The following TRHDE variants were observed in gnomAD, a reference collection of about 807,000 sequenced individuals.
TRHDE encodes the protein thyrotropin-releasing hormone-degrading ectoenzyme.
Under a neutral mutation model 125.7 loss-of-function variants are expected in TRHDE, and 72 were observed. That is an observed-to-expected ratio of 0.57 (90% CI 0.47 to 0.70). The LOEUF (loss-of-function observed/expected upper bound fraction) is 0.70, where lower values mean the gene tolerates loss of function less well. Ranked by LOEUF, TRHDE falls within the 30% of genes least tolerant of loss-of-function variation. The pLI is 0.00. For missense variants in TRHDE, 1,110 were observed against 1,327.1 expected, an observed-to-expected ratio of 0.84 and a Z score of 2.54; for synonymous variants, 509 against 509.1, an observed-to-expected ratio of 1.00 and a Z score of 0.00.
At chr12:72,121,535 C>G (rs549472128) in intron 2 of TRHDE, among the ~76,000 whole-genome samples, 2 of 152,158 alleles carry the variant, frequency 1.3e-5, no homozygotes, top group South Asian at 4.1e-4. Flanking sequence ...AATCACTGTG[C>G]TCTCTTTCCT....
chr12:72,105,611 C>A (rs1245418072), intron 1 of TRHDE: 2 of 152,064 alleles, frequency 1.3e-5, no homozygotes, highest in African/African-American at 4.8e-5. Flanking sequence ...TTAGTCCTTA[C>A]AATAAGTCCA....
intron 12 of TRHDE, among the ~76,000 whole-genome samples, chr12:72,584,554 T>A (rs1281994036): frequency 6.6e-6 from 1 of 152,208 alleles, no homozygotes; most frequent in African/African-American, 2.4e-5. Context: ...CCAGATCTTT[T>A]TCCTCCAACA....
intron 6 of TRHDE, among the ~76,000 whole-genome samples, chr12:72,519,331 G>T (rs1182771150): frequency 6.6e-6 from 1 of 152,092 alleles, no homozygotes; most frequent in African/African-American, 2.4e-5. Flanking sequence ...TTTCTTGGCG[G>T]CTTTACTCAT....
At chr12:72,365,794 G>T (rs928719319) in intron 2 of TRHDE, among the ~76,000 whole-genome samples, 10 of 152,096 alleles carry the variant, frequency 6.6e-5, no homozygotes, top group Non-Finnish European at 1.2e-4. Context: ...CAAATTCAGT[G>T]GCTTCACACA....
intron 6 of TRHDE, among the ~76,000 whole-genome samples, chr12:72,515,544 T>G (rs1878808115): frequency 6.6e-6 from 1 of 152,220 alleles, no homozygotes; most frequent in Non-Finnish European, 1.5e-5. Flanking sequence ...ATATTAGCCC[T>G]TTGTCAGATG....
intron 2 of TRHDE, among the ~76,000 whole-genome samples, chr12:72,328,023 T>C (rs369778066): frequency 3.2e-4 from 48 of 152,278 alleles, no homozygotes; most frequent in African/African-American, 1.1e-3. Flanking sequence ...TTTTGCATAC[T>C]GACATGCAGT....
intron 3 of TRHDE, among the ~76,000 whole-genome samples, chr12:72,419,422 A>G (rs1451453323): frequency 2.6e-5 from 4 of 152,204 alleles, no homozygotes; most frequent in East Asian, 1.9e-4. Flanking sequence ...CTGTACAAGT[A>G]TGGCACCAGC....
chr12:72,240,743 T>C lies in TRHDE; in HGVS notation n.279+134991T>C, dbSNP rs370326326. On this transcript the variant is annotated intron_variant and non_coding_transcript_variant, in intron 2 of 4. Transcript: ENST00000548156. ...CACCACCATGCCCGGCTAATTTCTT[T>C]TTGTATTTTTAATAGATACTGGGTT... Among the ~76,000 whole-genome samples, 63 of 152,096 alleles carry C rather than the reference T, an allele frequency of 4.1e-4. No individual in the cohort carries two copies. The South Asian group carries it at 0.013, about 31-fold the overall frequency.
At chr12:72,465,715 G>A (rs1423601643) in intron 3 of TRHDE, among the ~76,000 whole-genome samples, 1 of 151,832 alleles carries the variant, frequency 6.6e-6, no homozygotes, top group Non-Finnish European at 1.5e-5. Context: ...TGATATAGGT[G>A]CTCTTAAATT....
intron 7 of TRHDE, among the ~76,000 whole-genome samples, 164 bp downstream of exon 7, chr12:72,542,520 C>T (rs1016372687): frequency 6.6e-6 from 1 of 151,320 alleles, no homozygotes; most frequent in Non-Finnish European, 1.5e-5. Context: ...AGATAGGATA[C>T]TCACGATATC....
chr12:72,108,175 C>A (rs1875232792), intron 2 of TRHDE, among the ~76,000 whole-genome samples: 1 of 152,160 alleles, frequency 6.6e-6, no homozygotes, highest in South Asian at 2.1e-4. Context: ...CTCAGAAAAA[C>A]AAGAATCATT....
chr12:72,165,584 T>G (rs1009421318), intron 2 of TRHDE, among the ~76,000 whole-genome samples: 2 of 152,140 alleles, frequency 1.3e-5, no homozygotes, highest in African/African-American at 4.8e-5. Context: ...TTCCTGAGTA[T>G]AGAATTTATA....
At chr12:72,365,440 A>T (rs935951347) in intron 2 of TRHDE, among the ~76,000 whole-genome samples, 4 of 152,120 alleles carry the variant, frequency 2.6e-5, no homozygotes, top group African/African-American at 9.7e-5. Flanking sequence ...TTCAAACAAT[A>T]ACCTTTGGTG....
chr12:72,619,089 TTC>T (rs757999048), intron 13 of TRHDE, 51 bp downstream of exon 13: 6 of 1,363,800 alleles, frequency 4.4e-6, no homozygotes, highest in South Asian at 1.7e-5. Flanking sequence ...CACTATTTTA[TTC>T]TCTTTCTACT....
intron 2 of TRHDE, among the ~76,000 whole-genome samples, chr12:72,229,024 TTCTG>T (rs1461758022): frequency 2.6e-5 from 4 of 152,186 alleles, no homozygotes; most frequent in African/African-American, 4.8e-5. Context: ...TCCCACATCT[TTCTG>T]TCTTTTTCTG....
rs897995996 is a variant in TRHDE at position 72,378,228 on chromosome 12, A to C, written c.1315+107A>C. On this transcript the variant is annotated intron_variant, in intron 3 of 18. Transcript: ENST00000261180. ...GAAGCATGAAAATTCTGAGATTTAT[A>C]TTTTTAGAGAAGATAAGCACAAAAA... 51 of 1,135,676 alleles carry C rather than the reference A, an allele frequency of 4.5e-5. No individual in the cohort carries two copies. The African/African-American group carries it at 6.7e-4, about 15-fold the overall frequency. The allele number at this position is 1,135,676 out of a possible 1,614,324, so 70.3% of individuals were successfully genotyped here.
chr12:72,348,112 A>G (rs1264508046), intron 2 of TRHDE, among the ~76,000 whole-genome samples: 1 of 151,974 alleles, frequency 6.6e-6, no homozygotes, highest in Non-Finnish European at 1.5e-5. Context: ...TGATGTATGT[A>G]TATATATATG....
At chr12:72,598,182 G>GA (rs1395931096) in intron 12 of TRHDE, among the ~76,000 whole-genome samples, 3 of 152,030 alleles carry the variant, frequency 2.0e-5, no homozygotes, top group African/African-American at 7.2e-5. Context: ...AATATAGTTA[G>GA]AATCAACATT....
At chr12:72,612,473 G>A (rs1156439178) in intron 12 of TRHDE, among the ~76,000 whole-genome samples, 2 of 152,170 alleles carry the variant, frequency 1.3e-5, no homozygotes, top group East Asian at 3.9e-4. Context: ...GTTGCCTCAT[G>A]GGGTAGAACC....
Sources: gnomAD v4.1 joint callset for allele counts (sites outside exome capture counted in the v4.1 genomes callset) on GRCh38, gnomAD v4.1.1 for gene constraint, MANE v1.5 for transcripts, NCBI Gene and HGNC (gene_info 2026-07-23, HGNC 2026-07-21) for gene names.